PTK2B: variants seen among roughly 807,000 people sequenced by gnomAD.
PTK2B encodes protein tyrosine kinase 2 beta.
PTK2B carries 71 observed loss-of-function variants against 142.9 expected under a neutral mutation model. The ratio of observed to expected loss-of-function variants is 0.50; its 90% confidence interval spans 0.41 to 0.61. PTK2B has a LOEUF of 0.61. PTK2B is among the 20% of genes least tolerant of loss of function. PTK2B has a pLI of 0.00. For synonymous variants in PTK2B, 519 were observed against 503.4 expected (o/e 1.03, Z -0.42); for missense variants, 1,105 against 1,320.4 (o/e 0.84, Z 2.53).
intron 1 of PTK2B, 192 bp from the exon 2 acceptor site, chr8:27,397,356 T>G (rs1586233384): frequency 1.8e-6 from 1 of 561,726 alleles, no homozygotes. Context: ...TGGATGCTTC[T>G]GCAACTTGCC....
intron 5 of PTK2B, among the ~76,000 whole-genome samples, chr8:27,425,294 C>T (rs1006434171): frequency 4.6e-5 from 7 of 151,270 alleles, no homozygotes; most frequent in South Asian, 2.1e-4. Flanking sequence ...ACAATAGTAA[C>T]GTAACAAACC....
intron 2 of PTK2B, among the ~76,000 whole-genome samples, chr8:27,408,716 C>T (rs891321048): frequency 1.3e-5 from 2 of 152,144 alleles, no homozygotes; most frequent in African/African-American, 2.4e-5. Context: ...TTCTCATAAC[C>T]GTATACCAAT....
intron 1 of PTK2B, among the ~76,000 whole-genome samples, chr8:27,394,685 T>G (rs1308723886): frequency 6.6e-6 from 1 of 152,258 alleles, no homozygotes; most frequent in South Asian, 2.1e-4. Context: ...CTGTAATGTT[T>G]TTACTTTATA....
rs1805865942 is a variant in PTK2B, at chr8:27,363,936, G to C, written c.-37-33612G>C. On this transcript the variant is annotated intron_variant, in intron 1 of 30. Coordinates refer to ENST00000346049, the MANE Select transcript of PTK2B (RefSeq NM_173176.3). The surrounding 1 kb of genome is among the most constrained non-coding windows in gnomAD (Gnocchi z 4.3). ...CAGGGCTAAGATTAGACTAGGGCCCGGCCGCCTGTCTTGACACATGCGCAC... is the reference window on the plus strand; with the variant it reads ...CAGGGCTAAGATTAGACTAGGGCCCCGCCGCCTGTCTTGACACATGCGCAC... Among the ~76,000 whole-genome samples the C allele has an allele frequency of 2.6e-5, 4 of 152,142 alleles. No individual in the cohort carries two copies. The highest frequency in any genetic ancestry group is 7.2e-5 in the African/African-American group (3 of 41,442).
chr8:27,311,029 C>G (rs1802935782), upstream of PTK2B: 2 of 1,607,220 alleles, frequency 1.2e-6, no homozygotes, highest in Admixed American at 3.4e-5. Flanking sequence ...GGTTGGTGCG[C>G]AGGTCGGCGG....
At chr8:27,456,083 G>A (rs1189033042) in intron 30 of PTK2B, among the ~76,000 whole-genome samples, 1 of 152,224 alleles carries the variant, frequency 6.6e-6, no homozygotes, top group Non-Finnish European at 1.5e-5. Flanking sequence ...TCATTTAAGA[G>A]CTCCTTACCC....
intron 2 of PTK2B, among the ~76,000 whole-genome samples, chr8:27,405,706 A>G (rs980455718): frequency 6.6e-5 from 10 of 152,226 alleles, no homozygotes; most frequent in Non-Finnish European, 1.5e-4. Flanking sequence ...CTCCACGCCC[A>G]CATTCATTGC....
At chr8:27,394,948 T>G (rs2131368586) in intron 1 of PTK2B, among the ~76,000 whole-genome samples, 1 of 152,302 alleles carries the variant, frequency 6.6e-6, no homozygotes, top group Non-Finnish European at 1.5e-5. Flanking sequence ...CCTCCACATC[T>G]CGTCCCACTG....
Position 27,454,206 on chromosome 8 carries a change from A to G in PTK2B, c.2648A>G (p.Asn883Ser), listed in dbSNP as rs148098986. Residue 883 changes from asparagine to serine, a missense_variant, in exon 29 of 31, where the codon AAT becomes AGT. Asn to Ser is a conservative substitution (Grantham distance 46). Transcript: ENST00000346049. ...CGGACTGATGACCTGGTGTACCTCA[A>G]TGTCATGGAGCTGGTGCGGGCCGTG... Reference protein sequence around the residue: ...LDRTDDLVYLNVMELVRAVLE... With the variant: ...LDRTDDLVYLSVMELVRAVLE... The G allele has an allele frequency of 1.5e-4, 249 of 1,614,068 alleles. No individual in the cohort carries two copies. The highest frequency in any genetic ancestry group is 2.0e-4 in the East Asian group (9 of 44,872).
chr8:27,376,545 A>C (rs918436070), intron 1 of PTK2B, among the ~76,000 whole-genome samples: 1 of 152,238 alleles, frequency 6.6e-6, no homozygotes, highest in East Asian at 1.9e-4. Flanking sequence ...TGATGAAGGC[A>C]TTCTAAGTCA....
At chr8:27,379,184 A>G (rs1465965653) in intron 1 of PTK2B, among the ~76,000 whole-genome samples, 1 of 152,186 alleles carries the variant, frequency 6.6e-6, no homozygotes, top group Non-Finnish European at 1.5e-5. Context: ...CTTTAGATGT[A>G]TCATGGAAAT....
Position 27,426,558 on chromosome 8 carries a change from CAGACATTCCCAAGATGTTCAGTTGCTCCA to C in PTK2B, c.552-3504_552-3476del, listed in dbSNP as rs201488999. Among the ~76,000 whole-genome samples the C allele has an allele frequency of 7.7e-4, 117 of 152,318 alleles. 1 individual carries two copies. The East Asian group carries it at 0.019, about 24-fold the overall frequency. On this transcript the variant is annotated intron_variant, in intron 5 of 30. Coordinates refer to ENST00000346049, the MANE Select transcript of PTK2B (RefSeq NM_173176.3). ...CTTGAGTGATGGTTACTAGTTCTCC[CAGACATTCCCAAGATGTTCAGTTGCTCCA>C]AGACATTCCCAAGATGTTCAGTTGC...
intron 24 of PTK2B, 50 bp downstream of exon 24, chr8:27,445,969 G>A: frequency 6.2e-7 from 1 of 1,607,600 alleles, no homozygotes; most frequent in Non-Finnish European, 8.5e-7. Context: ...GAGGCTGCTG[G>A]AGGGAGGTGG....
intron 8 of PTK2B, 187 bp downstream of exon 8, chr8:27,431,203 G>C: frequency 6.8e-7 from 1 of 1,468,660 alleles, no homozygotes; most frequent in Non-Finnish European, 9.1e-7. Context: ...TGAAATGTTG[G>C]CCTCCAGCTC....
intron 3 of PTK2B, among the ~76,000 whole-genome samples, chr8:27,319,910 C>A (rs189781173): frequency 2.0e-5 from 3 of 152,288 alleles, no homozygotes; most frequent in African/African-American, 7.2e-5. Context: ...TTCTGTACCA[C>A]CCAACAGTCA....
intron 1 of PTK2B, among the ~76,000 whole-genome samples, chr8:27,387,037 G>T (rs1032297772): frequency 1.3e-5 from 2 of 152,174 alleles, no homozygotes; most frequent in Non-Finnish European, 2.9e-5. Flanking sequence ...TGTTTGAGCA[G>T]AATTCTGGGG....
chr8:27,407,810 C>A (rs371450475), intron 2 of PTK2B, among the ~76,000 whole-genome samples: 1 of 152,164 alleles, frequency 6.6e-6, no homozygotes, highest in African/African-American at 2.4e-5. Flanking sequence ...TCCTTCCCCC[C>A]TTACCCATCA....
chr8:27,391,044 G>T (rs11989587), intron 1 of PTK2B, among the ~76,000 whole-genome samples: 128,888 of 151,626 alleles, frequency 0.85, 55,359 homozygotes, highest in Middle Eastern at 0.96. Flanking sequence ...TGACTAATGG[G>T]CCCCTTTCCA....
chr8:27,424,770 G>A (rs1809972415), intron 5 of PTK2B, among the ~76,000 whole-genome samples: 2 of 152,120 alleles, frequency 1.3e-5, no homozygotes, highest in Admixed American at 1.3e-4. Context: ...GCCTAAAAAT[G>A]TCCCAGAGTG....
Sources: gnomAD v4.1 joint callset for allele counts (sites outside exome capture counted in the v4.1 genomes callset) on GRCh38, gnomAD v4.1.1 for gene constraint, Gnocchi (gnomAD v3.1) non-coding constraint, MANE v1.5 for transcripts, NCBI Gene and HGNC (gene_info 2026-07-23, HGNC 2026-07-21) for gene names.